The following NHSL2 variants were observed in gnomAD, a reference collection of about 807,000 sequenced individuals.
The protein encoded by NHSL2 is NHS-like protein 2.
NHSL2 carries 27 observed loss-of-function variants against 53.4 expected under a neutral mutation model. The ratio of observed to expected loss-of-function variants is 0.51; its 90% CI spans 0.37 to 0.70. NHSL2 has a LOEUF of 0.70. NHSL2 is among the 30% of genes least tolerant of loss of function. The probability of loss-of-function intolerance (pLI) is 0.00; values close to 1 mark genes in which losing one functional copy is unlikely to be tolerated. For missense variants in NHSL2, 892 were observed against 980.1 expected (o/e 0.91, Z 1.20); for synonymous variants, 408 against 404.1 (o/e 1.01, Z -0.12).
At chrX:72,078,794 T>A (rs1257101716) in intron 1 of NHSL2, among the ~76,000 whole-genome samples, 1 of 112,628 alleles carries the variant, frequency 8.9e-6, no homozygotes, top group African/African-American at 3.2e-5. Context: ...TCTGGGGATT[T>A]CACCTCAGTC....
At chrX:72,142,823 G>A (rs73223169) in intron 7 of NHSL2, among the ~76,000 whole-genome samples, 1,535 of 112,051 alleles carry the variant, frequency 0.014, 11 homozygotes, top group Middle Eastern at 0.023. Context: ...AGGAAAAGAG[G>A]AACCAGATGG....
intron 1 of NHSL2, among the ~76,000 whole-genome samples, chrX:72,046,166 T>G (rs1174889730): frequency 1.8e-5 from 2 of 112,324 alleles, no homozygotes; most frequent in Non-Finnish European, 3.8e-5. Flanking sequence ...TCTAACCTTT[T>G]AAGGTTTGGA....
chrX:72,142,265 G>A lies in NHSL2; in HGVS notation c.3257G>A (p.Ser1086Asn). 8.6e-7 allele frequency: 1 copy of A among 1,160,666 alleles called. No individual in the cohort carries two copies. The highest frequency in any genetic ancestry group is 1.2e-6 in the Non-Finnish European group (1 of 867,365). ...GTGGAACCAGGCACCGAAGAAAAAA[G>A]TTTAATCAGTGATAAAACAGCTGAA... ...SSVEPGTEEK[S>N]LISDKTAEWI... is the part of the protein sequence containing the mutation. The change falls in exon 7 of 8, where the codon AGT (serine) becomes AAT (asparagine). Residue 1086 changes from serine (S) to asparagine (N), a missense_variant. Ser to Asn is a conservative substitution (Grantham distance 46). Transcript: ENST00000633930.
At chrX:72,127,630 G>GCCTCGAAAAATAGCAGGTCC (rs2042239309) in intron 1 of NHSL2, 1 of 103,707 alleles carries the variant, frequency 9.6e-6, no homozygotes, top group Non-Finnish European at 2.0e-5. Flanking sequence ...AGGGTCCACT[G>GCCTCGAAAAATAGCAGGTCC]CCTCGAAGAA....
intron 1 of NHSL2, chrX:71,965,974 A>G (rs994361229): frequency 8.9e-6 from 1 of 112,850 alleles, no homozygotes; most frequent in Non-Finnish European, 1.9e-5. Flanking sequence ...TATACACCAA[A>G]CATATGGAAT....
chrX:72,150,488 A>G lies in NHSL2; in HGVS notation c.*6914A>G, dbSNP rs1479443525. On this transcript the variant is annotated 3_prime_UTR_variant, in exon 8 of 8. Coordinates refer to ENST00000633930, the MANE Select transcript of NHSL2 (RefSeq NM_001013627.3). ...TTTCAGACTGTTAAATGCTCATGAG[A>G]TATTTAGTTGTGTTCTAGAAATTTC... The G allele has an allele frequency of 8.9e-6, 1 of 112,174 alleles. No homozygotes were observed. Among genetic ancestry groups the G allele is most frequent in the African/African-American group, 3.2e-5 (1 of 30,844 alleles). 9.2% of individuals were successfully genotyped at this position (112,174 alleles called of 1,213,427 possible).
At chrX:71,920,488 A>G (rs755004137) in intron 1 of NHSL2, among the ~76,000 whole-genome samples, 11 of 111,084 alleles carry the variant, frequency 9.9e-5, no homozygotes, top group Non-Finnish European at 1.7e-4. Context: ...AAAAAAAAGT[A>G]CTAATGCTGT....
intron 1 of NHSL2, among the ~76,000 whole-genome samples, chrX:72,046,600 G>A (rs1432105516): frequency 8.9e-6 from 1 of 111,822 alleles, no homozygotes; most frequent in Non-Finnish European, 1.9e-5. Context: ...AAAGTTGAGA[G>A]TCTGGTGGTG....
intron 1 of NHSL2, among the ~76,000 whole-genome samples, chrX:71,918,534 C>T (rs1341123589): frequency 1.8e-5 from 2 of 111,237 alleles, no homozygotes. Flanking sequence ...AAATTATTCC[C>T]CCAGACTAGG....
At chrX:72,037,598 A>G (rs1232254610) in intron 1 of NHSL2, among the ~76,000 whole-genome samples, 1 of 111,427 alleles carries the variant, frequency 9.0e-6, no homozygotes, top group African/African-American at 3.3e-5. Context: ...GGCAGAATGT[A>G]CTTACCCAGG....
chrX:72,013,199 C>T (rs1294846774), intron 1 of NHSL2, among the ~76,000 whole-genome samples: 1 of 112,121 alleles, frequency 8.9e-6, no homozygotes, highest in African/African-American at 3.2e-5. Context: ...TTTAGGTCTT[C>T]TTTGATTTCT....
chrX:72,062,755 A>G (rs1182253011), intron 1 of NHSL2, among the ~76,000 whole-genome samples: 3 of 112,491 alleles, frequency 2.7e-5, no homozygotes, highest in Non-Finnish European at 5.6e-5. Flanking sequence ...GTATGTGGGA[A>G]AGACTGAGGC....
At chrX:71,919,270 T>G (rs2041644542) in intron 1 of NHSL2, among the ~76,000 whole-genome samples, 1 of 112,151 alleles carries the variant, frequency 8.9e-6, no homozygotes, top group African/African-American at 3.2e-5. Context: ...ACCTACTATC[T>G]GACTCTAGTG....
At chrX:72,106,521 T>C (rs1278277822) in intron 1 of NHSL2, among the ~76,000 whole-genome samples, 2 of 111,301 alleles carry the variant, frequency 1.8e-5, no homozygotes, top group Admixed American at 1.9e-4. Flanking sequence ...TTGGTGGGAG[T>C]GTAAATTAGT....
At chrX:71,924,627 CAG>C (rs781629260) in intron 1 of NHSL2, among the ~76,000 whole-genome samples, 1 of 112,146 alleles carries the variant, frequency 8.9e-6, no homozygotes, top group South Asian at 3.7e-4. Flanking sequence ...GATTTGGAAA[CAG>C]AGTAGAACTA....
Position 72,139,026 on chromosome X carries a change from GATTCCGGGAGCGGTCAC to G in NHSL2, c.1479_1495del (p.Arg493SerfsTer15). On this transcript the variant is annotated frameshift_variant, in exon 6 of 8. Coordinates refer to ENST00000633930, the MANE Select transcript of NHSL2 (RefSeq NM_001013627.3). LOFTEE classifies it high-confidence loss of function. Reference sequence around the variant, plus strand: ...GAGACAGGCCCCGGTGGGGCCAGCAGATTCCGGGAGCGGTCACTGTCTGTGCCCACAGACTCAGGCAC... The same window carrying G: ...GAGACAGGCCCCGGTGGGGCCAGCAGTGTCTGTGCCCACAGACTCAGGCAC... 4.3e-6 allele frequency: 5 copies of G among 1,174,693 alleles called. No individual in the cohort carries two copies. Among genetic ancestry groups the G allele is most frequent in the Non-Finnish European group, 5.7e-6 (5 of 876,775 alleles).
chrX:72,072,873 G>A (rs2041711989), intron 1 of NHSL2, among the ~76,000 whole-genome samples: 2 of 111,739 alleles, frequency 1.8e-5, no homozygotes. Context: ...ATACCAAAGG[G>A]TGGGAAAGAA....
At chrX:71,973,738 C>T (rs796675595) in intron 1 of NHSL2, among the ~76,000 whole-genome samples, 4 of 111,663 alleles carry the variant, frequency 3.6e-5, no homozygotes, top group South Asian at 3.7e-4. Flanking sequence ...ATTCTTGGCC[C>T]GTTGTGCCTG....
At chrX:71,983,943 C>A (rs749207862) in intron 1 of NHSL2, among the ~76,000 whole-genome samples, 3 of 111,327 alleles carry the variant, frequency 2.7e-5, no homozygotes, top group Non-Finnish European at 5.7e-5. Flanking sequence ...CTTGTGCCGA[C>A]CCCCTATCTC....
Sources: allele counts gnomAD v4.1 joint callset (sites outside exome capture counted in the v4.1 genomes callset), GRCh38; gene constraint gnomAD v4.1.1; transcripts MANE v1.5; gene names NCBI Gene and HGNC (gene_info 2026-07-23, HGNC 2026-07-21).